The following TMTC2 variants were observed in gnomAD, a reference collection of about 807,000 sequenced individuals.
TMTC2 encodes the protein protein O-mannosyl-transferase TMTC2.
A neutral mutation model predicts 82.4 loss-of-function variants in TMTC2; 43 were observed. That is an observed-to-expected ratio of 0.52 (90% confidence interval 0.41 to 0.67). The LOEUF (loss-of-function observed/expected upper bound fraction) is 0.67, where lower values mean the gene tolerates loss of function less well. Among genes scored for constraint, TMTC2 ranks in the 30% least tolerant of loss-of-function variants. The pLI is 0.00. For synonymous variants in TMTC2, 408 were observed against 381.9 expected (o/e 1.07, Z -0.80); for missense variants, 919 against 1,012.4 (o/e 0.91, Z 1.25).
chr12:82,827,504 T>G (rs1409617349), intron 1 of TMTC2, among the ~76,000 whole-genome samples: 1 of 152,220 alleles, frequency 6.6e-6, no homozygotes, highest in African/African-American at 2.4e-5. Context: ...CTACAAGTTC[T>G]GTGAGTTTGA....
At chr12:83,018,893 C>T (rs534082037) in intron 8 of TMTC2, among the ~76,000 whole-genome samples, 3 of 152,304 alleles carry the variant, frequency 2.0e-5, no homozygotes, top group African/African-American at 7.2e-5. Context: ...CCACCTACTA[C>T]GCATCTGGTC....
chr12:82,751,122 G>T (rs1875974308), intron 1 of TMTC2, among the ~76,000 whole-genome samples: 2 of 152,102 alleles, frequency 1.3e-5, no homozygotes, highest in South Asian at 4.1e-4. Context: ...CAATAGCAAA[G>T]ACTTGGAACC....
chr12:82,905,945 CAAAAAAAAAAA>C (rs75917698), intron 3 of TMTC2, among the ~76,000 whole-genome samples: 2 of 95,588 alleles, frequency 2.1e-5, no homozygotes, highest in African/African-American at 7.4e-5. Flanking sequence ...AACTCTGTCT[CAAAAAAAAAAA>C]AAAAGAGAAA....
intron 1 of TMTC2, among the ~76,000 whole-genome samples, chr12:82,747,612 G>T (rs977631649): frequency 6.6e-6 from 1 of 152,176 alleles, no homozygotes; most frequent in African/African-American, 2.4e-5. Flanking sequence ...GGAATTGAGT[G>T]CATTGCTTTG....
chr12:83,009,192 T>G (rs1880337279), intron 8 of TMTC2, among the ~76,000 whole-genome samples: 1 of 152,126 alleles, frequency 6.6e-6, no homozygotes, highest in Admixed American at 6.5e-5. Context: ...TAGGCCTCTG[T>G]TATTAAGGAG....
intron 10 of TMTC2, among the ~76,000 whole-genome samples, chr12:83,052,756 T>C (rs1003725854): frequency 2.0e-5 from 3 of 152,184 alleles, no homozygotes; most frequent in African/African-American, 7.2e-5. Flanking sequence ...ACATCACTTA[T>C]GATTTTTTCT....
chr12:83,084,338 A>AT (rs1375501271), intron 11 of TMTC2, among the ~76,000 whole-genome samples: 1 of 152,136 alleles, frequency 6.6e-6, no homozygotes, highest in African/African-American at 2.4e-5. Context: ...TGGCATACAT[A>AT]TTTTTTATCC....
intron 1 of TMTC2, among the ~76,000 whole-genome samples, chr12:82,825,570 C>G (rs1299253267): frequency 6.6e-6 from 1 of 152,146 alleles, no homozygotes; most frequent in South Asian, 2.1e-4. Flanking sequence ...AATCCCTTCT[C>G]TTGTAGGCAG....
chr12:83,022,943 A>C (rs1279492933), intron 8 of TMTC2, among the ~76,000 whole-genome samples: 1 of 152,166 alleles, frequency 6.6e-6, no homozygotes, highest in Non-Finnish European at 1.5e-5. Flanking sequence ...ATTTTTGGCT[A>C]CTCAAGTTCA....
At chr12:82,919,843 A>C (rs1051837004) in intron 3 of TMTC2, among the ~76,000 whole-genome samples, 1 of 152,210 alleles carries the variant, frequency 6.6e-6, no homozygotes, top group Admixed American at 6.5e-5. Context: ...GAGAACTGCC[A>C]CGCCCATGGC....
intron 1 of TMTC2, among the ~76,000 whole-genome samples, chr12:82,793,040 A>T (rs935827650): frequency 1.3e-5 from 2 of 152,076 alleles, no homozygotes; most frequent in African/African-American, 4.8e-5. Context: ...TTACTTTGTA[A>T]GGGCACCTTT....
intron 2 of TMTC2, among the ~76,000 whole-genome samples, chr12:82,883,854 A>T (rs1229578462): frequency 6.6e-6 from 1 of 152,230 alleles, no homozygotes; most frequent in Non-Finnish European, 1.5e-5. Context: ...TTTCATAGTC[A>T]AGAGAAGTAT....
intron 1 of TMTC2, among the ~76,000 whole-genome samples, chr12:82,801,734 G>C (rs1005874882): frequency 1.3e-5 from 2 of 152,058 alleles, no homozygotes; most frequent in African/African-American, 4.8e-5. Context: ...ACAGAGTGCC[G>C]ATTGGTGTAT....
At chr12:83,087,222 A>T (rs11115573) in intron 11 of TMTC2, among the ~76,000 whole-genome samples, 2 of 152,094 alleles carry the variant, frequency 1.3e-5, no homozygotes, top group Non-Finnish European at 2.9e-5. Context: ...CATCCATTCA[A>T]GTTTTTTCCT....
chr12:82,985,275 T>C (rs2403026), intron 7 of TMTC2, among the ~76,000 whole-genome samples: 144,634 of 152,160 alleles, frequency 0.95, 68,803 homozygotes, highest in East Asian at 1. Context: ...TGGTCTCTAA[T>C]TCCTAGACTC....
At chr12:82,792,172 T>G (rs1363543177) in intron 1 of TMTC2, among the ~76,000 whole-genome samples, 1 of 152,046 alleles carries the variant, frequency 6.6e-6, no homozygotes, top group Non-Finnish European at 1.5e-5. Context: ...TATCTGAAAA[T>G]GGGGCTAATG....
chr12:82,792,423 C>A (rs1878511569), intron 1 of TMTC2, among the ~76,000 whole-genome samples: 1 of 151,988 alleles, frequency 6.6e-6, no homozygotes, highest in Non-Finnish European at 1.5e-5. Context: ...TACCCAGTCA[C>A]TTTCTATTCC....
chr12:82,847,783 G>T (rs952604001), intron 1 of TMTC2, among the ~76,000 whole-genome samples: 4 of 151,768 alleles, frequency 2.6e-5, no homozygotes, highest in African/African-American at 9.7e-5. Context: ...CATTACACAC[G>T]GGGGCCTGTC....
chr12:82,918,749 T>TCA (rs1475529349), intron 3 of TMTC2, among the ~76,000 whole-genome samples: 3 of 149,446 alleles, frequency 2.0e-5, no homozygotes, highest in Non-Finnish European at 4.5e-5. Context: ...TTTCTCTCCC[T>TCA]CTCTCTCTCT....
Sources: allele counts gnomAD v4.1 joint callset (sites outside exome capture counted in the v4.1 genomes callset), GRCh38; gene constraint gnomAD v4.1.1; transcripts MANE v1.5; gene names NCBI Gene and HGNC (gene_info 2026-07-23, HGNC 2026-07-21).